ANAPC16: variants seen among roughly 807,000 people sequenced by gnomAD.
ANAPC16 encodes anaphase promoting complex subunit 16.
In ANAPC16, 6 loss-of-function variants were observed where a neutral mutation model predicts 13.1. The ratio of observed to expected loss-of-function variants is 0.46; its 90% CI spans 0.25 to 0.90. The LOEUF (loss-of-function observed/expected upper bound fraction) is 0.90, where lower values mean the gene tolerates loss of function less well. ANAPC16 is among the 40% of genes least tolerant of loss of function. The probability of loss-of-function intolerance (pLI) is 0.18; values close to 1 mark genes in which losing one functional copy is unlikely to be tolerated. For missense variants in ANAPC16, 113 were observed against 131.1 expected (o/e 0.86, Z 0.67); for synonymous variants, 55 against 51.3 (o/e 1.07, Z -0.31).
chr10:72,221,726 ATTT>A (rs58310763), intron 1 of ANAPC16, among the ~76,000 whole-genome samples: 8,386 of 100,840 alleles, frequency 0.083, 823 homozygotes, highest in African/African-American at 0.25. Context: ...ACCCAGCTAA[ATTT>A]TTTTTTTTTT....
chr10:72,233,135 C>A lies in ANAPC16; in HGVS notation c.*19C>A. On this transcript the variant is annotated 3_prime_UTR_variant, in exon 4 of 4. Transcript: ENST00000299381. ...AGGTTGATACTGCCTGGATGGTCAC[C>A]TCTGGTGCGCAGCAAGTGCAAAGCC... The A allele has an allele frequency of 6.2e-7, 1 of 1,602,618 alleles. No homozygotes were observed.
At chr10:72,217,249 C>T (rs1460658578) in intron 1 of ANAPC16, 4 of 352,078 alleles carry the variant, frequency 1.1e-5, no homozygotes, top group South Asian at 2.2e-5. Context: ...CCGAGGCGGG[C>T]GGATCACGAG....
At chr10:72,219,699 T>A (rs568101931) in intron 1 of ANAPC16, among the ~76,000 whole-genome samples, 1 of 152,190 alleles carries the variant, frequency 6.6e-6, no homozygotes, top group Admixed American at 6.6e-5. Flanking sequence ...ATAGTGCCAC[T>A]GCATTCCAGC....
At chr10:72,217,518 C>G (rs1859566138) in intron 1 of ANAPC16, among the ~76,000 whole-genome samples, 1 of 151,440 alleles carries the variant, frequency 6.6e-6, no homozygotes. Flanking sequence ...ATAGAAGGCA[C>G]TGGCCCTCCT....
chr10:72,229,797 A>C (rs1860239842), intron 2 of ANAPC16, among the ~76,000 whole-genome samples: 1 of 152,156 alleles, frequency 6.6e-6, no homozygotes, highest in Non-Finnish European at 1.5e-5. Context: ...TCTTATCGTC[A>C]TCCAAATTGC....
intron 2 of ANAPC16, among the ~76,000 whole-genome samples, chr10:72,230,023 TC>T (rs767361887): frequency 1.3e-5 from 2 of 152,192 alleles, no homozygotes; most frequent in Non-Finnish European, 2.9e-5. Flanking sequence ...GCCAAATGTG[TC>T]AGCTGCCAGT....
chr10:72,220,098 G>A (rs1859847068), intron 1 of ANAPC16: 1 of 152,130 alleles, frequency 6.6e-6, no homozygotes, highest in South Asian at 2.1e-4. Flanking sequence ...GGGAGGCCAA[G>A]GCAGGTGGAT....
Position 72,233,194 on chromosome 10 carries a change from C to A in ANAPC16, c.*78C>A. 9.3e-7 allele frequency: 1 copy of A among 1,075,712 alleles called. No individual in the cohort carries two copies. Among genetic ancestry groups the A allele is most frequent in the Non-Finnish European group, 1.4e-6 (1 of 709,766 alleles). 66.6% of individuals were successfully genotyped at this position (1,075,712 alleles called of 1,614,324 possible). A position where few individuals can be genotyped will look rare whatever the true frequency, so the allele number is the denominator to read the frequency against. ...ACTTTCTCACAGCTTACATAGCCAT[C>A]CAGAGATCCACAGCTACGTCACTGA... On this transcript the variant is annotated 3_prime_UTR_variant, in exon 4 of 4. Transcript: ENST00000299381.
At chr10:72,232,706 C>G (rs556255656) in intron 3 of ANAPC16, among the ~76,000 whole-genome samples, 1 of 151,280 alleles carries the variant, frequency 6.6e-6, no homozygotes, top group South Asian at 2.1e-4. Flanking sequence ...AGGGTTCAAG[C>G]GATTCTCCTG....
intron 3 of ANAPC16, among the ~76,000 whole-genome samples, chr10:72,232,610 AT>A (rs201847483): frequency 5.4e-4 from 74 of 136,534 alleles, no homozygotes; most frequent in East Asian, 2.6e-3. Flanking sequence ...CCATCTAGAA[AT>A]TTTTTTTTTT....
intron 2 of ANAPC16, among the ~76,000 whole-genome samples, chr10:72,224,950 C>T (rs916534874): frequency 6.6e-6 from 1 of 152,234 alleles, no homozygotes; most frequent in East Asian, 1.9e-4. Context: ...AGGGTACAGG[C>T]TGTAAGCATG....
At chr10:72,223,011 G>A (rs1859999186) in intron 1 of ANAPC16, 1 of 150,488 alleles carries the variant, frequency 6.6e-6, no homozygotes, top group Non-Finnish European at 1.5e-5. Context: ...ATTGTTTCCT[G>A]AACTTTTTGT....
At chr10:72,222,152 G>A (rs1440038057) in intron 1 of ANAPC16, among the ~76,000 whole-genome samples, 1 of 151,074 alleles carries the variant, frequency 6.6e-6, no homozygotes, top group Non-Finnish European at 1.5e-5. Context: ...GGGCATGATG[G>A]CTCATGCCTG....
At chr10:72,232,639 C>T (rs1440575779) in intron 3 of ANAPC16, among the ~76,000 whole-genome samples, 1 of 142,434 alleles carries the variant, frequency 7.0e-6, no homozygotes, top group Non-Finnish European at 1.5e-5. Context: ...GATTCTCACT[C>T]TGTCACCAGG....
At chr10:72,232,787 A>G (rs1353873215) in intron 3 of ANAPC16, among the ~76,000 whole-genome samples, 2 of 151,384 alleles carry the variant, frequency 1.3e-5, no homozygotes, top group African/African-American at 2.4e-5. Flanking sequence ...TTGTATTTTT[A>G]TAGAGATGGG....
At chr10:72,220,103 G>A (rs1351264739) in intron 1 of ANAPC16, 2 of 152,138 alleles carry the variant, frequency 1.3e-5, no homozygotes, top group Admixed American at 6.6e-5. Flanking sequence ...GCCAAGGCAG[G>A]TGGATCACCT....
intron 3 of ANAPC16, among the ~76,000 whole-genome samples, chr10:72,231,781 T>C (rs1259660272): frequency 6.6e-6 from 1 of 151,986 alleles, no homozygotes; most frequent in Non-Finnish European, 1.5e-5. Flanking sequence ...GGTCTTGATC[T>C]CTTGACCTTG....
At position 72,216,057 on chromosome 10, in the gene ANAPC16, C is replaced by G. The variant is rs914156538; in HGVS notation, c.-109C>G. On this transcript the variant is annotated 5_prime_UTR_variant, in exon 1 of 4. Coordinates refer to ENST00000299381, the MANE Select transcript of ANAPC16 (RefSeq NM_173473.4). ...TCCGTCTGTTGGGGGGCGAACACGC[C>G]GCGGTCCTCGTCGTGGTGAGCGCAG... is the stretch of plus-strand genomic sequence containing the variant. 1 of 152,336 alleles carries G rather than the reference C, an allele frequency of 6.6e-6. No homozygotes were observed. Among genetic ancestry groups the G allele is most frequent in the Non-Finnish European group, 1.5e-5 (1 of 68,142 alleles). The allele number at this position is 152,336 out of a possible 1,614,324, so 9.4% of individuals were successfully genotyped here.
intron 1 of ANAPC16, chr10:72,216,352 A>G (rs929548949): frequency 8.2e-5 from 14 of 170,906 alleles, no homozygotes; most frequent in South Asian, 3.4e-4. Flanking sequence ...GACAGCGCCG[A>G]TGGCGTAGTT....
Sources: gnomAD v4.1 joint callset for allele counts (sites outside exome capture counted in the v4.1 genomes callset) on GRCh38, gnomAD v4.1.1 for gene constraint, MANE v1.5 for transcripts, NCBI Gene and HGNC (gene_info 2026-07-23, HGNC 2026-07-21) for gene names.